The following NKAIN2 variants were observed in gnomAD, a reference collection of about 807,000 sequenced individuals.
NKAIN2 encodes sodium/potassium transporting ATPase interacting 2.
In NKAIN2, 14 loss-of-function variants were observed where a neutral mutation model predicts 32.6. That is an observed-to-expected ratio of 0.43 (90% confidence interval 0.28 to 0.67). The LOEUF (loss-of-function observed/expected upper bound fraction) is 0.67. Ranked by LOEUF, NKAIN2 falls within the 30% of genes least tolerant of loss-of-function variation. NKAIN2 has a pLI of 0.17. For synonymous variants in NKAIN2, 80 were observed against 87.2 expected, an observed-to-expected ratio of 0.92 and a Z score of 0.46; for missense variants, 198 against 258.3, an observed-to-expected ratio of 0.77 and a Z score of 1.60.
At chr6:124,507,261 G>A (rs1384173762) in intron 3 of NKAIN2, among the ~76,000 whole-genome samples, 1 of 152,150 alleles carries the variant, frequency 6.6e-6, no homozygotes, top group Non-Finnish European at 1.5e-5. Flanking sequence ...TGCATTTGTA[G>A]TCTATGTGAT....
rs546573807 is a variant in NKAIN2, at chr6:123,980,435, A to G, written c.54+176181A>G. Among the ~76,000 whole-genome samples the G allele has an allele frequency of 5.9e-5, 9 of 152,322 alleles. No individual in the cohort carries two copies. In the East Asian group the frequency reaches 1.5e-3, roughly 26 times the overall value. On this transcript the variant is annotated intron_variant, in intron 1 of 6. Coordinates refer to ENST00000368417, the MANE Select transcript of NKAIN2 (RefSeq NM_001040214.3). ...GTGAGAATTAAGATTTCAATTATAC[A>G]TTACTAATGGCTGGGACACAGGGTT...
chr6:124,107,812 C>A (rs1268826893), intron 1 of NKAIN2, among the ~76,000 whole-genome samples: 2 of 151,998 alleles, frequency 1.3e-5, no homozygotes, highest in Admixed American at 1.3e-4. Flanking sequence ...CTTATTTCAC[C>A]CTGCGTAAGG....
chr6:124,155,977 A>AAG (rs1204559328), intron 1 of NKAIN2, among the ~76,000 whole-genome samples: 1 of 151,910 alleles, frequency 6.6e-6, no homozygotes, highest in African/African-American at 2.4e-5. Flanking sequence ...AAAAAAAAAA[A>AAG]AGGGATACTA....
chr6:124,062,308 T>C (rs1782950961), intron 1 of NKAIN2, among the ~76,000 whole-genome samples: 1 of 152,190 alleles, frequency 6.6e-6, no homozygotes, highest in Admixed American at 6.6e-5. Context: ...ATTTTGTTGA[T>C]ATTATAAATA....
intron 5 of NKAIN2, among the ~76,000 whole-genome samples, chr6:124,804,174 A>G (rs1297483484): frequency 3.3e-5 from 5 of 152,228 alleles, no homozygotes; most frequent in Non-Finnish European, 5.9e-5. Context: ...GCATTATGAT[A>G]TATCAAGTAC....
chr6:124,330,915 A>G (rs1430928216), intron 2 of NKAIN2, among the ~76,000 whole-genome samples: 2 of 152,098 alleles, frequency 1.3e-5, no homozygotes, highest in African/African-American at 4.8e-5. Flanking sequence ...CGTGCTCCTT[A>G]TGAGAATCTA....
At chr6:124,255,557 C>A (rs1011332433) in intron 1 of NKAIN2, among the ~76,000 whole-genome samples, 1 of 152,104 alleles carries the variant, frequency 6.6e-6, no homozygotes, top group Non-Finnish European at 1.5e-5. Context: ...CATTTTTATT[C>A]AACAGCCATG....
chr6:124,714,585 T>A (rs894431828), intron 4 of NKAIN2, among the ~76,000 whole-genome samples: 1 of 152,308 alleles, frequency 6.6e-6, no homozygotes, highest in Non-Finnish European at 1.5e-5. Context: ...GGGCTACACA[T>A]TTAAAGCCTT....
At chr6:124,650,016 A>C (rs1005303989) in intron 3 of NKAIN2, among the ~76,000 whole-genome samples, 1 of 152,200 alleles carries the variant, frequency 6.6e-6, no homozygotes, top group Non-Finnish European at 1.5e-5. Context: ...CTGGATAAAG[A>C]GTACCTATAA....
chr6:124,583,511 G>C (rs1031004081), intron 3 of NKAIN2, among the ~76,000 whole-genome samples: 9 of 152,146 alleles, frequency 5.9e-5, no homozygotes, highest in African/African-American at 2.2e-4. Flanking sequence ...TCATGTATTG[G>C]AAAAATCAAT....
intron 2 of NKAIN2, among the ~76,000 whole-genome samples, chr6:124,289,676 T>C (rs1368455718): frequency 1.3e-5 from 2 of 152,180 alleles, no homozygotes; most frequent in Non-Finnish European, 1.5e-5. Flanking sequence ...CAGGTCTCCA[T>C]AGAGACTATC....
At chr6:124,017,373 A>T (rs941169457) in intron 1 of NKAIN2, among the ~76,000 whole-genome samples, 2 of 152,104 alleles carry the variant, frequency 1.3e-5, no homozygotes, top group African/African-American at 4.8e-5. Context: ...CCCCACCCAA[A>T]TCTTATGTGC....
intron 3 of NKAIN2, among the ~76,000 whole-genome samples, chr6:124,464,763 C>G (rs564519308): frequency 6.6e-6 from 1 of 152,182 alleles, no homozygotes; most frequent in East Asian, 1.9e-4. Flanking sequence ...GTTTTGTTTA[C>G]TGTAGCCTTG....
intron 4 of NKAIN2, among the ~76,000 whole-genome samples, chr6:124,717,471 C>T (rs536330316): frequency 2.0e-5 from 3 of 152,168 alleles, no homozygotes; most frequent in Admixed American, 6.5e-5. Flanking sequence ...CATATTCATT[C>T]GTGTTGAGTT....
At chr6:124,299,453 C>T (rs1204556760) in intron 2 of NKAIN2, among the ~76,000 whole-genome samples, 1 of 151,948 alleles carries the variant, frequency 6.6e-6, no homozygotes, top group Non-Finnish European at 1.5e-5. Context: ...GATCATTGCT[C>T]TAAATAGAAA....
chr6:124,209,911 T>C (rs1237363756), intron 1 of NKAIN2, among the ~76,000 whole-genome samples: 1 of 151,968 alleles, frequency 6.6e-6, no homozygotes, highest in Non-Finnish European at 1.5e-5. Context: ...GTCTTATCAC[T>C]TTTTTGATTG....
At chr6:124,549,409 G>T (rs1013721158) in intron 3 of NKAIN2, among the ~76,000 whole-genome samples, 1 of 151,976 alleles carries the variant, frequency 6.6e-6, no homozygotes, top group Non-Finnish European at 1.5e-5. Flanking sequence ...TAATTTTTTT[G>T]AGGTAATTTT....
At chr6:124,391,189 G>A (rs1357087008) in intron 3 of NKAIN2, 1 of 152,134 alleles carries the variant, frequency 6.6e-6, no homozygotes, top group Non-Finnish European at 1.5e-5. Flanking sequence ...AATGCTTACT[G>A]AGTAGTATCA....
intron 1 of NKAIN2, among the ~76,000 whole-genome samples, chr6:123,827,089 T>C (rs942521971): frequency 6.6e-6 from 1 of 152,152 alleles, no homozygotes; most frequent in Non-Finnish European, 1.5e-5. Flanking sequence ...TTCCCTAATG[T>C]TTAGCGATGT....
Sources: gnomAD v4.1 joint callset for allele counts (sites outside exome capture counted in the v4.1 genomes callset) on GRCh38, gnomAD v4.1.1 for gene constraint, MANE v1.5 for transcripts, NCBI Gene and HGNC (gene_info 2026-07-23, HGNC 2026-07-21) for gene names.